ZFYVE9: variants seen among roughly 807,000 people sequenced by gnomAD.
ZFYVE9 encodes the protein zinc finger FYVE-type containing 9.
Under a neutral mutation model 126.7 loss-of-function variants are expected in ZFYVE9, and 43 were observed. The ratio of observed to expected loss-of-function variants is 0.34; its 90% CI spans 0.27 to 0.44. The LOEUF is 0.44. Among genes scored for constraint, ZFYVE9 ranks in the 20% least tolerant of loss-of-function variants. The probability of loss-of-function intolerance (pLI) is 1.00; values close to 1 mark genes in which losing one functional copy is unlikely to be tolerated. For missense variants in ZFYVE9, 1,476 were observed against 1,697.0 expected (o/e 0.87, Z 2.29); for synonymous variants, 521 against 597.4 (o/e 0.87, Z 1.87).
chr1:52,191,720 G>A (rs1468206099), intron 1 of ZFYVE9, among the ~76,000 whole-genome samples: 1 of 152,122 alleles, frequency 6.6e-6, no homozygotes, highest in African/African-American at 2.4e-5. Context: ...CAACAATCCT[G>A]CACTTTTTCC....
intron 18 of ZFYVE9, 63 bp downstream of exon 18, chr1:52,345,007 A>G (rs1294574775): frequency 6.4e-7 from 1 of 1,564,590 alleles, no homozygotes; most frequent in Non-Finnish European, 8.8e-7. Context: ...TTCTGACGTG[A>G]GTTTTTCTGC....
intron 11 of ZFYVE9, among the ~76,000 whole-genome samples, chr1:52,294,202 A>G (rs958644969): frequency 1.1e-4 from 16 of 152,316 alleles, no homozygotes; most frequent in African/African-American, 3.6e-4. Flanking sequence ...TTATATCTCC[A>G]TCTAATTAAA....
chr1:52,199,353 G>A (rs993169098), intron 1 of ZFYVE9, among the ~76,000 whole-genome samples: 17 of 152,018 alleles, frequency 1.1e-4, no homozygotes, highest in South Asian at 2.1e-4. Context: ...GTGAGCCACC[G>A]TACCTGGCCA....
intron 2 of ZFYVE9, among the ~76,000 whole-genome samples, chr1:52,226,014 T>C (rs937733470): frequency 2.6e-5 from 4 of 152,082 alleles, no homozygotes; most frequent in South Asian, 2.1e-4. Flanking sequence ...ATGCGCCGGA[T>C]TTTATAGTCC....
Position 52,250,634 on chromosome 1 carries a change from T to A in ZFYVE9, c.2178+11039T>A, listed in dbSNP as rs184455169. Among the ~76,000 whole-genome samples, 259 of 152,272 alleles carry A rather than the reference T, an allele frequency of 1.7e-3. 1 individual carries two copies. The highest frequency in any genetic ancestry group is 5.5e-3 in the African/African-American group (227 of 41,564). ...TTATTTTTAATTGCTCTGGCTAAAT[T>A]TCCAATACTATGTTAAATAGATATG... On this transcript the variant is annotated intron_variant, in intron 4 of 18. Transcript: ENST00000287727.
chr1:52,233,425 T>G, intron 3 of ZFYVE9, 149 bp downstream of exon 3: 1 of 438,326 alleles, frequency 2.3e-6, no homozygotes, highest in Non-Finnish European at 3.8e-6. Context: ...AGAAATAACA[T>G]TTTTTAGCAC....
chr1:52,250,483 G>T (rs1438884083), intron 4 of ZFYVE9, among the ~76,000 whole-genome samples: 2 of 152,022 alleles, frequency 1.3e-5, no homozygotes, highest in Non-Finnish European at 2.9e-5. Flanking sequence ...AAACTTTGCC[G>T]CATTTATTAG....
intron 1 of ZFYVE9, among the ~76,000 whole-genome samples, chr1:52,169,037 C>A (rs1644540106): frequency 6.6e-6 from 1 of 152,068 alleles, no homozygotes; most frequent in South Asian, 2.1e-4. Flanking sequence ...CTCTGAATTC[C>A]CAGATTGCTC....
intron 10 of ZFYVE9, among the ~76,000 whole-genome samples, chr1:52,287,589 G>T (rs1645874497): frequency 6.6e-6 from 1 of 151,880 alleles, no homozygotes. Flanking sequence ...TAAAAGGAGG[G>T]GGTTCATTCC....
Position 52,263,753 on chromosome 1 carries a change from T to TTGCCCCC in ZFYVE9, c.2179-20_2179-19insTGCCCCC. 2.8e-6 allele frequency: 2 copies of TTGCCCCC among 713,092 alleles called. No homozygotes were observed. The highest frequency in any genetic ancestry group is 3.0e-5 in the East Asian group (1 of 32,838). The allele number at this position is 713,092 out of a possible 1,614,324, so 44.2% of individuals were successfully genotyped here. On this transcript the variant is annotated intron_variant, in intron 4 of 18. Transcript: ENST00000287727. ...ATCCCAAGTAAATTTTGTGTGTTCT[T>TTGCCCCC]CCCCCCCCCCCCCCCACAGGTTTTC...
intron 1 of ZFYVE9, among the ~76,000 whole-genome samples, chr1:52,213,545 A>G (rs991809124): frequency 1.8e-4 from 27 of 152,026 alleles, no homozygotes; most frequent in Admixed American, 5.2e-4. Context: ...CCAGCTACTC[A>G]GGAGTCTGAG....
intron 1 of ZFYVE9, among the ~76,000 whole-genome samples, chr1:52,204,219 C>G (rs558895797): frequency 4.0e-5 from 6 of 151,886 alleles, no homozygotes; most frequent in Non-Finnish European, 8.8e-5. Flanking sequence ...TTCTATAGTT[C>G]TACGATTAAG....
intron 11 of ZFYVE9, among the ~76,000 whole-genome samples, chr1:52,294,322 G>T (rs1452680717): frequency 6.6e-6 from 1 of 152,162 alleles, no homozygotes; most frequent in African/African-American, 2.4e-5. Flanking sequence ...TGTTTCTTTT[G>T]TAAACTGGAA....
chr1:52,314,045 A>G (rs1646160959), intron 13 of ZFYVE9, among the ~76,000 whole-genome samples: 1 of 152,248 alleles, frequency 6.6e-6, no homozygotes, highest in Non-Finnish European at 1.5e-5. Context: ...CCTAAAAAAT[A>G]TTTGAAGAAA....
intron 10 of ZFYVE9, among the ~76,000 whole-genome samples, chr1:52,283,585 T>TCACA (rs1645825522): frequency 6.6e-6 from 1 of 152,202 alleles, no homozygotes; most frequent in Non-Finnish European, 1.5e-5. Context: ...GACATTATGC[T>TCACA]GAGCAAAAGC....
chr1:52,221,789 G>A (rs1055547410), intron 2 of ZFYVE9, among the ~76,000 whole-genome samples: 8 of 152,156 alleles, frequency 5.3e-5, no homozygotes, highest in Admixed American at 1.3e-4. Flanking sequence ...GCCAGAATGG[G>A]GGCTGTTACA....
At position 52,237,696 on chromosome 1, in the gene ZFYVE9, C is replaced by T; in HGVS notation, c.279C>T (p.Asp93=). 1 of 1,614,072 alleles carries T rather than the reference C, an allele frequency of 6.2e-7. No individual in the cohort carries two copies. Among genetic ancestry groups the T allele is most frequent in the South Asian group, 1.1e-5 (1 of 91,074 alleles). The change falls in exon 4 of 19, where the codon GAC becomes GAT. Residue 93 remains aspartate (D), a synonymous_variant. Transcript: ENST00000287727. ...AGGATCACTGTGCTAATGGACAGGA[C>T]TGTAATCTAAATCCAGAGATTGCCA... is the stretch of plus-strand genomic sequence containing the variant. The part of the protein sequence containing the change: ...EEEDHCANGQ[D]CNLNPEIATM...
intron 12 of ZFYVE9, 106 bp downstream of exon 12, chr1:52,296,083 C>G: frequency 1.1e-6 from 1 of 887,712 alleles, no homozygotes; most frequent in Non-Finnish European, 1.8e-6. Context: ...CTGCTTAAGG[C>G]AGGTAAAGAT....
intron 1 of ZFYVE9, among the ~76,000 whole-genome samples, chr1:52,205,641 G>A (rs1644971692): frequency 6.6e-6 from 1 of 151,852 alleles, no homozygotes; most frequent in South Asian, 2.1e-4. Flanking sequence ...CCAGAGCACT[G>A]GGTTACAGGT....
Sources: gnomAD v4.1 joint callset for allele counts (sites outside exome capture counted in the v4.1 genomes callset) on GRCh38, gnomAD v4.1.1 for gene constraint, MANE v1.5 for transcripts, NCBI Gene and HGNC (gene_info 2026-07-23, HGNC 2026-07-21) for gene names.